TRPM7: variants seen among roughly 807,000 people sequenced by gnomAD.
TRPM7 encodes the protein LTRPC ion channel family member 7.
Under a neutral mutation model 229.7 loss-of-function variants are expected in TRPM7, and 134 were observed. The ratio of observed to expected loss-of-function variants is 0.58; its 90% CI spans 0.51 to 0.67. The LOEUF (loss-of-function observed/expected upper bound fraction) is 0.67. TRPM7 is among the 30% of genes least tolerant of loss of function. The probability of loss-of-function intolerance (pLI) is 0.00; values close to 1 mark genes in which losing one functional copy is unlikely to be tolerated. For missense variants in TRPM7, 1,901 were observed against 2,210.0 expected, an observed-to-expected ratio of 0.86 and a Z score of 2.80; for synonymous variants, 699 against 715.2, an observed-to-expected ratio of 0.98 and a Z score of 0.36.
intron 38 of TRPM7, among the ~76,000 whole-genome samples, chr15:50,568,133 C>T (rs75413735): frequency 1.8e-5 from 1 of 56,210 alleles, no homozygotes; most frequent in Non-Finnish European, 3.6e-5. Flanking sequence ...AAAAAAAAAA[C>T]AAGGAGTAGA....
intron 13 of TRPM7, among the ~76,000 whole-genome samples, chr15:50,619,124 A>G (rs1461858969): frequency 6.6e-6 from 1 of 152,196 alleles, no homozygotes; most frequent in East Asian, 1.9e-4. Context: ...AGATAGAGGA[A>G]AAAAGATACA....
intron 2 of TRPM7, among the ~76,000 whole-genome samples, 187 bp from the exon 3 acceptor site, chr15:50,658,006 T>C (rs912397717): frequency 1.0e-5 from 1 of 96,174 alleles, no homozygotes; most frequent in Non-Finnish European, 2.6e-5. Flanking sequence ...ACAGTCTCAA[T>C]TTTTTTTTTT....
chr15:50,637,591 C>T lies in TRPM7; in HGVS notation c.663G>A (p.Val221=), dbSNP rs763854980. The change falls in exon 7 of 39, where the codon GTG becomes GTA. Residue 221 remains valine (V), a splice_region_variant and synonymous_variant. Coordinates refer to ENST00000646667, the MANE Select transcript of TRPM7 (RefSeq NM_017672.6). ...TCAATAAGGTTTGATAAGGAGCAAC[C>T]ACCTAAACAATAGCAAACAAAAGAG... The part of the protein sequence containing the change: ...ENRNDLVGRD[V]VAPYQTLLNP... The T allele has an allele frequency of 6.2e-7, 1 of 1,610,972 alleles. No individual in the cohort carries two copies. The highest frequency in any genetic ancestry group is 1.1e-5 in the South Asian group (1 of 90,438).
At position 50,610,588 on chromosome 15, in the gene TRPM7, G is replaced by GT. The variant is rs201769105; in HGVS notation, c.2280+504dup. Among the ~76,000 whole-genome samples, 41 of 152,118 alleles carry GT rather than the reference G, an allele frequency of 2.7e-4. No individual in the cohort carries two copies. The East Asian group carries it at 7.3e-3, about 27-fold the overall frequency. Reference sequence around the variant, plus strand: ...ATAACAAAAAGCAAAGTTCAAAGCAGTATCTATCACCATGACAAAACCAAA... The same window carrying GT: ...ATAACAAAAAGCAAAGTTCAAAGCAGTTATCTATCACCATGACAAAACCAAA... On this transcript the variant is annotated intron_variant, in intron 17 of 38. Transcript: ENST00000646667.
rs2059941858 is a variant in TRPM7 at position 50,607,251 on chromosome 15, T to C, written c.2658A>G (p.Glu886=). 6.2e-7 allele frequency: 1 copy of C among 1,611,424 alleles called. No homozygotes were observed. ...TAAAAATATAAGCAATAACAATCCA[T>C]TCTTGAACTGAAGGTAACTGTTCCA... ...VQMEQLPSVQ[E]WIVIAYIFTY... Residue 886 remains glutamate (E), a synonymous_variant, in exon 20 of 39, where the codon GAA becomes GAG. Transcript: ENST00000646667.
intron 4 of TRPM7, among the ~76,000 whole-genome samples, chr15:50,645,832 G>GA (rs781617798): frequency 3.6e-4 from 55 of 152,066 alleles, no homozygotes; most frequent in Non-Finnish European, 7.5e-4. Flanking sequence ...AGAAAAACTA[G>GA]AAAAAAGAAC....
intron 1 of TRPM7, among the ~76,000 whole-genome samples, chr15:50,667,774 T>C (rs1045587735): frequency 6.6e-6 from 1 of 152,224 alleles, no homozygotes; most frequent in Non-Finnish European, 1.5e-5. Context: ...TATAAGGTTT[T>C]ATTAAGAACT....
At chr15:50,668,331 G>T (rs891310545) in intron 1 of TRPM7, among the ~76,000 whole-genome samples, 5 of 152,072 alleles carry the variant, frequency 3.3e-5, no homozygotes, top group Non-Finnish European at 5.9e-5. Flanking sequence ...TGCTTAAAAC[G>T]TCGCTGATCC....
Position 50,559,183 on chromosome 15 carries a change from C to T in TRPM7, c.*2495G>A, listed in dbSNP as rs1170480596. On this transcript the variant is annotated 3_prime_UTR_variant, in exon 39 of 39. Transcript: ENST00000646667. ...TCTCCTGCCTCAGACTCCTGAGTAGCTGGGATTACAGGCACTCACCGCCAT... is the reference window on the plus strand; with the variant it reads ...TCTCCTGCCTCAGACTCCTGAGTAGTTGGGATTACAGGCACTCACCGCCAT... 1 of 152,336 alleles carries T rather than the reference C, an allele frequency of 6.6e-6. No individual in the cohort carries two copies. The highest frequency in any genetic ancestry group is 2.4e-5 in the African/African-American group (1 of 41,378). The allele number at this position is 152,336 out of a possible 1,614,324, so 9.4% of individuals were successfully genotyped here. A position where few individuals can be genotyped will look rare whatever the true frequency, so the allele number is the denominator to read the frequency against.
At position 50,631,412 on chromosome 15, in the gene TRPM7, C is replaced by G; in HGVS notation, c.1204+5G>C. On this transcript the variant is annotated splice_donor_5th_base_variant and intron_variant, in intron 10 of 38. Transcript: ENST00000646667. Reference sequence around the variant, plus strand: ...TTACAAATAAAAAAGTTCTTAGAGGCTTACCTTTTAGCAGTGCAGTAAGTA... The same window carrying G: ...TTACAAATAAAAAAGTTCTTAGAGGGTTACCTTTTAGCAGTGCAGTAAGTA... The G allele has an allele frequency of 6.3e-7, 1 of 1,596,606 alleles. No homozygotes were observed. The highest frequency in any genetic ancestry group is 8.6e-7 in the Non-Finnish European group (1 of 1,168,560).
chr15:50,609,148 C>T (rs2059996401), intron 19 of TRPM7, among the ~76,000 whole-genome samples: 1 of 152,068 alleles, frequency 6.6e-6, no homozygotes, highest in African/African-American at 2.4e-5. Flanking sequence ...TAAATAAAAC[C>T]ATATAAACAA....
chr15:50,598,571 G>A (rs1401309511), intron 22 of TRPM7, among the ~76,000 whole-genome samples: 1 of 152,118 alleles, frequency 6.6e-6, no homozygotes, highest in African/African-American at 2.4e-5. Context: ...AATGATCTAC[G>A]CTAATCATGG....
At chr15:50,636,125 C>T (rs2140706677) in intron 7 of TRPM7, among the ~76,000 whole-genome samples, 1 of 150,522 alleles carries the variant, frequency 6.6e-6, no homozygotes, top group East Asian at 1.9e-4. Flanking sequence ...TTTACAATAA[C>T]TTGCGGTGCA....
chr15:50,584,782 AG>A (rs1230397946), intron 28 of TRPM7, among the ~76,000 whole-genome samples: 1 of 152,164 alleles, frequency 6.6e-6, no homozygotes, highest in African/African-American at 2.4e-5. Flanking sequence ...AATCCATATA[AG>A]CATACTAACT....
Position 50,609,855 on chromosome 15 carries a change from A to G in TRPM7, c.2387T>C (p.Met796Thr). 2 of 1,613,184 alleles carry G rather than the reference A, an allele frequency of 1.2e-6. No homozygotes were observed. The highest frequency in any genetic ancestry group is 1.7e-6 in the Non-Finnish European group (2 of 1,179,520). ...PQSQDAHQMT[M>T]DDSENNFQNI... ...CTGAAAGTTGTTTTCGCTGTCATCCATTGTCATCTGATGAGCATCTTGAGA... is the reference window on the plus strand; with the variant it reads ...CTGAAAGTTGTTTTCGCTGTCATCCGTTGTCATCTGATGAGCATCTTGAGA... The change falls in exon 18 of 39, where the codon ATG becomes ACG. Residue 796 changes from methionine (M) to threonine (T), a missense_variant. By Grantham distance (81) the Met-to-Thr change is moderately conservative (BLOSUM62 -1). Transcript: ENST00000646667.
chr15:50,629,022 C>T (rs928237675), intron 10 of TRPM7, among the ~76,000 whole-genome samples: 7 of 152,006 alleles, frequency 4.6e-5, no homozygotes, highest in African/African-American at 1.7e-4. Context: ...TTAGGTAAAC[C>T]ACAATTTATT....
chr15:50,672,366 A>ATT (rs879888255), intron 1 of TRPM7, among the ~76,000 whole-genome samples: 1 of 145,408 alleles, frequency 6.9e-6, no homozygotes, highest in African/African-American at 2.5e-5. Context: ...ACTCCTACCT[A>ATT]TTTTTTTTTT....
chr15:50,570,719 G>T (rs1337605901), intron 36 of TRPM7, among the ~76,000 whole-genome samples: 2 of 151,242 alleles, frequency 1.3e-5, no homozygotes, highest in Admixed American at 1.3e-4. Context: ...CGGACATGGT[G>T]GGGGGCGCCT....
chr15:50,628,229 C>G lies in TRPM7; in HGVS notation c.1225G>C (p.Asp409His), dbSNP rs762459410. The change falls in exon 11 of 39, where the codon GAC (aspartate) becomes CAC (histidine). Residue 409 changes from aspartate to histidine, a missense_variant. Physicochemically the swap from Asp to His is moderately conservative, Grantham distance 81. Coordinates refer to ENST00000646667, the MANE Select transcript of TRPM7 (RefSeq NM_017672.6). ...CATGCCAATGTAAGGATAAGCTGGTCAAATGCAGATGCATTAGTACCTAAT... is the reference window on the plus strand; with the variant it reads ...CATGCCAATGTAAGGATAAGCTGGTGAAATGCAGATGCATTAGTACCTAAT... ...LLKGTNASAF[D>H]QLILTLAWDR... The G allele has an allele frequency of 1.2e-6, 2 of 1,612,590 alleles. No homozygotes were observed. The highest frequency in any genetic ancestry group is 1.7e-6 in the Non-Finnish European group (2 of 1,179,438).
Sources: gnomAD v4.1 joint callset for allele counts (sites outside exome capture counted in the v4.1 genomes callset) on GRCh38, gnomAD v4.1.1 for gene constraint, MANE v1.5 for transcripts, NCBI Gene and HGNC (gene_info 2026-07-23, HGNC 2026-07-21) for gene names.